EGFR: variants seen among roughly 807,000 people sequenced by gnomAD.
EGFR encodes the protein epidermal growth factor receptor.
Under a neutral mutation model 143.0 loss-of-function variants are expected in EGFR, and 58 were observed. The ratio of observed to expected loss-of-function variants is 0.41; its 90% CI spans 0.33 to 0.50. The LOEUF is 0.50. Ranked by LOEUF, EGFR falls within the 20% of genes least tolerant of loss-of-function variation. The pLI, the probability that EGFR is intolerant of heterozygous loss-of-function variation, is 0.39. For missense variants in EGFR, 1,307 were observed against 1,579.0 expected (o/e 0.83, Z 2.92); for synonymous variants, 613 against 594.4 (o/e 1.03, Z -0.45).
chr7:55,203,243 C>T (rs1267075753), intron 27 of EGFR, among the ~76,000 whole-genome samples: 2 of 138,278 alleles, frequency 1.4e-5, no homozygotes, highest in East Asian at 4.0e-4. Flanking sequence ...CACACACATA[C>T]ATGTATACAC....
Position 55,174,817 on chromosome 7 carries a change from C to T in EGFR, c.2280C>T (p.Leu760=), listed in dbSNP as rs397517103. The T allele has an allele frequency of 8.1e-6, 13 of 1,613,256 alleles. No homozygotes were observed. Among genetic ancestry groups the T allele is most frequent in the African/African-American group, 1.3e-5 (1 of 74,918 alleles). ...ATSPKANKEI[L]DEAYVMASVD... is the part of the protein sequence containing the mutation. ...CTCCGAAAGCCAACAAGGAAATCCT[C>T]GATGTGAGTTTCTGCTTTGCTGTGT... is the stretch of plus-strand genomic sequence containing the variant. The change falls in exon 19 of 28, where the codon CTC becomes CTT. Residue 760 remains leucine (L), a synonymous_variant. Coordinates refer to ENST00000275493, the MANE Select transcript of EGFR (RefSeq NM_005228.5).
chr7:55,021,410 C>A lies in EGFR; in HGVS notation c.88+2045C>A, dbSNP rs145405933. Among the ~76,000 whole-genome samples, 24 of 152,304 alleles carry A rather than the reference C, an allele frequency of 1.6e-4. No homozygotes were observed. The East Asian group carries it at 4.6e-3, about 29-fold the overall frequency. ...TTCTCCCTCCATTGGTGTTCTCATT[C>A]TTTGATGTTACTTGTTTGAACACCA... On this transcript the variant is annotated intron_variant, in intron 1 of 27. Coordinates refer to ENST00000275493, the MANE Select transcript of EGFR (RefSeq NM_005228.5).
intron 13 of EGFR, among the ~76,000 whole-genome samples, chr7:55,163,161 G>A (rs113091081): frequency 0.01 from 1,527 of 152,340 alleles, 20 homozygotes; most frequent in African/African-American, 0.034. Context: ...TTGACTACTA[G>A]GCAGAGTCCA....
At chr7:55,152,742 C>T in intron 6 of EGFR, 78 bp downstream of exon 6, 1 of 1,197,510 alleles carries the variant, frequency 8.4e-7, no homozygotes, top group Non-Finnish European at 1.2e-6. Flanking sequence ...CAGAAGACTT[C>T]CTGTGGGGGA....
intron 22 of EGFR, among the ~76,000 whole-genome samples, chr7:55,197,433 T>C (rs1399227702): frequency 6.6e-6 from 1 of 152,208 alleles, no homozygotes; most frequent in Non-Finnish European, 1.5e-5. Flanking sequence ...GTTTTCTAGA[T>C]ATAGGATCAT....
intron 25 of EGFR, 66 bp downstream of exon 25, chr7:55,201,421 A>C (rs1787845126): frequency 6.2e-7 from 1 of 1,608,392 alleles, no homozygotes; most frequent in South Asian, 1.1e-5. Flanking sequence ...ATTGAATTTT[A>C]GGGAAAATAA....
chr7:55,184,913 G>A (rs181446788), intron 20 of EGFR, among the ~76,000 whole-genome samples: 112 of 152,288 alleles, frequency 7.4e-4, no homozygotes, highest in Non-Finnish European at 1.2e-3. Flanking sequence ...CTTTTTAAAC[G>A]TTTGAAGTAA....
intron 1 of EGFR, among the ~76,000 whole-genome samples, chr7:55,135,524 G>T (rs1794085826): frequency 6.6e-6 from 1 of 151,898 alleles, no homozygotes; most frequent in African/African-American, 2.4e-5. Context: ...GTAAAATAAG[G>T]AACAACTGAG....
chr7:55,166,615 A>AGGAGGTGGGAGTCACAG (rs1785996539), intron 15 of EGFR, among the ~76,000 whole-genome samples: 1 of 149,230 alleles, frequency 6.7e-6, no homozygotes, highest in Non-Finnish European at 1.5e-5. Flanking sequence ...GATGGTGGTG[A>AGGAGGTGGGAGTCACAG]TGGTGGTGAG....
intron 3 of EGFR, among the ~76,000 whole-genome samples, chr7:55,144,389 G>C (rs1286771206): frequency 2.0e-5 from 3 of 152,260 alleles, no homozygotes; most frequent in Non-Finnish European, 4.4e-5. Flanking sequence ...GCCCCAGCTA[G>C]TGAATGGAGA....
intron 13 of EGFR, 110 bp from the exon 14 acceptor site, chr7:55,163,623 C>G: frequency 1.1e-6 from 1 of 903,466 alleles, no homozygotes; most frequent in Non-Finnish European, 1.8e-6. Flanking sequence ...TCCTGGAGTC[C>G]CAACTCCTTG....
intron 20 of EGFR, chr7:55,188,975 G>T: frequency 6.6e-6 from 1 of 152,322 alleles, no homozygotes. Context: ...GCCCTGGTGT[G>T]AGGAGTGGGG....
chr7:55,161,434 G>C (rs1341325894), intron 12 of EGFR, 65 bp from the exon 13 acceptor site: 1 of 1,562,450 alleles, frequency 6.4e-7, no homozygotes, highest in South Asian at 1.2e-5. Flanking sequence ...GGAAGGTGCC[G>C]TCTCCTCCGG....
At chr7:55,158,051 C>T (rs1562768891) in intron 11 of EGFR, among the ~76,000 whole-genome samples, 1 of 152,242 alleles carries the variant, frequency 6.6e-6, no homozygotes. Flanking sequence ...CCTATATTAG[C>T]TCCTGTGTCT....
At chr7:55,204,801 T>C (rs554249013) in intron 27 of EGFR, among the ~76,000 whole-genome samples, 1 of 109,302 alleles carries the variant, frequency 9.1e-6, no homozygotes, top group South Asian at 3.2e-4. Flanking sequence ...CATACACACG[T>C]ATACACACAC....
Position 55,089,053 on chromosome 7 carries a change from C to T in EGFR, c.89-53233C>T, listed in dbSNP as rs781747168. Among the ~76,000 whole-genome samples the T allele has an allele frequency of 2.0e-5, 3 of 152,298 alleles. No homozygotes were observed. The East Asian group carries it at 5.8e-4, about 29-fold the overall frequency. On this transcript the variant is annotated intron_variant, in intron 1 of 27. Transcript: ENST00000275493. ...GCATTTTTTCTGTGTATTTTACATACATACAAATATATGTACAAATAAAGG... is the reference window on the plus strand; with the variant it reads ...GCATTTTTTCTGTGTATTTTACATATATACAAATATATGTACAAATAAAGG...
At chr7:55,121,480 G>C (rs1362352946) in intron 1 of EGFR, among the ~76,000 whole-genome samples, 1 of 152,186 alleles carries the variant, frequency 6.6e-6, no homozygotes, top group Non-Finnish European at 1.5e-5. Flanking sequence ...TGTGATGAGA[G>C]GAATGTGAGG....
intron 1 of EGFR, among the ~76,000 whole-genome samples, chr7:55,055,844 G>A (rs1788781162): frequency 6.6e-6 from 1 of 152,022 alleles, no homozygotes; most frequent in Admixed American, 6.5e-5. Context: ...TTCTCAAGAT[G>A]TTCACCTGCT....
intron 20 of EGFR, among the ~76,000 whole-genome samples, chr7:55,187,878 T>C (rs1787211797): frequency 1.3e-5 from 2 of 152,098 alleles, no homozygotes; most frequent in African/African-American, 4.8e-5. Flanking sequence ...CACCATCATT[T>C]GTACAGGGGG....
Sources: gnomAD v4.1 joint callset for allele counts (sites outside exome capture counted in the v4.1 genomes callset) on GRCh38, gnomAD v4.1.1 for gene constraint, MANE v1.5 for transcripts, NCBI Gene and HGNC (gene_info 2026-07-23, HGNC 2026-07-21) for gene names.